SLC35F4: variants seen among roughly 807,000 people sequenced by gnomAD.
The protein encoded by SLC35F4 is solute carrier family 35 member F4.
SLC35F4 carries 24 observed loss-of-function variants against 44.2 expected under a neutral mutation model. The ratio of observed to expected loss-of-function variants is 0.54; its 90% CI spans 0.39 to 0.76. The LOEUF is 0.76. Among genes scored for constraint, SLC35F4 ranks in the 30% least tolerant of loss-of-function variants. The pLI is 0.00. For missense variants in SLC35F4, 562 were observed against 586.1 expected, an observed-to-expected ratio of 0.96 and a Z score of 0.42; for synonymous variants, 238 against 223.6, an observed-to-expected ratio of 1.06 and a Z score of -0.57.
intron 1 of SLC35F4, among the ~76,000 whole-genome samples, chr14:57,704,072 C>A (rs1594837236): frequency 6.6e-6 from 1 of 152,158 alleles, no homozygotes; most frequent in African/African-American, 2.4e-5. Context: ...TAGCAAAGAA[C>A]TATTTCTCTA....
upstream of SLC35F4, among the ~76,000 whole-genome samples, chr14:57,867,155 G>GAGA (rs1888189979): frequency 6.6e-6 from 1 of 151,624 alleles, no homozygotes; most frequent in Non-Finnish European, 1.5e-5. Flanking sequence ...AAAGCTTAGG[G>GAGA]AGAAGAAAAA....
intron 1 of SLC35F4, among the ~76,000 whole-genome samples, chr14:57,655,698 T>C (rs1294503566): frequency 6.6e-6 from 1 of 152,102 alleles, no homozygotes; most frequent in African/African-American, 2.4e-5. Context: ...GGCTCGCACC[T>C]CAGGCACCCA....
chr14:57,592,884 G>A (rs1467288322), intron 2 of SLC35F4, among the ~76,000 whole-genome samples: 1 of 152,030 alleles, frequency 6.6e-6, no homozygotes, highest in African/African-American at 2.4e-5. Context: ...TTTTGGTGGT[G>A]TATTTTGTTG....
chr14:57,919,474 T>C (rs1469546472), intron 1 of SLC35F4, among the ~76,000 whole-genome samples: 1 of 152,220 alleles, frequency 6.6e-6, no homozygotes. Flanking sequence ...ATCTACTCTT[T>C]GTTTTTCTGA....
intron 1 of SLC35F4, among the ~76,000 whole-genome samples, chr14:57,651,692 G>T (rs573971847): frequency 6.6e-6 from 1 of 152,262 alleles, no homozygotes; most frequent in East Asian, 1.9e-4. Flanking sequence ...CATGGCTGCG[G>T]CTTGGGAAAA....
At chr14:57,738,977 C>A (rs2076537887) in intron 1 of SLC35F4, among the ~76,000 whole-genome samples, 1 of 151,350 alleles carries the variant, frequency 6.6e-6, no homozygotes, top group Non-Finnish European at 1.5e-5. Context: ...CTTTCACTCT[C>A]TTTGCAACTT....
chr14:57,962,625 G>A (rs1043586712), intron 1 of SLC35F4, among the ~76,000 whole-genome samples: 2 of 152,182 alleles, frequency 1.3e-5, no homozygotes, highest in Admixed American at 6.5e-5. Context: ...GGGATGAAAG[G>A]TCCATTAAAT....
At chr14:57,770,366 A>T (rs1057197209) in intron 1 of SLC35F4, among the ~76,000 whole-genome samples, 4 of 152,186 alleles carry the variant, frequency 2.6e-5, no homozygotes, top group Admixed American at 6.5e-5. Flanking sequence ...GTTGTTTCGT[A>T]TGTATGTTGT....
intron 1 of SLC35F4, among the ~76,000 whole-genome samples, chr14:57,655,509 G>T (rs150796269): frequency 2.0e-5 from 3 of 152,278 alleles, no homozygotes; most frequent in Non-Finnish European, 4.4e-5. Context: ...ACACAGCAAT[G>T]AGGGGAGGAC....
chr14:57,567,441 T>G (rs185852608), intron 6 of SLC35F4, among the ~76,000 whole-genome samples: 1 of 152,312 alleles, frequency 6.6e-6, no homozygotes, highest in Admixed American at 6.5e-5. Context: ...CCAAAAAAAG[T>G]TCTAGAAGCA....
At chr14:57,599,499 A>G (rs2070686194) in intron 1 of SLC35F4, among the ~76,000 whole-genome samples, 1 of 152,156 alleles carries the variant, frequency 6.6e-6, no homozygotes, top group South Asian at 2.1e-4. Flanking sequence ...AGGTTTAACT[A>G]CAGCTCTTAC....
chr14:57,585,241 G>A (rs57139214), intron 3 of SLC35F4, among the ~76,000 whole-genome samples: 49,190 of 151,912 alleles, frequency 0.32, 8,051 homozygotes, highest in Middle Eastern at 0.37. Context: ...GCCAAAAACC[G>A]CATGATTATC....
intron 1 of SLC35F4, among the ~76,000 whole-genome samples, chr14:57,674,830 G>C (rs1372033598): frequency 6.6e-6 from 1 of 152,088 alleles, no homozygotes; most frequent in Admixed American, 6.6e-5. Context: ...AGAGGGCCAA[G>C]TGATACCTGC....
intron 1 of SLC35F4, among the ~76,000 whole-genome samples, chr14:57,782,855 A>G (rs923651818): frequency 6.6e-6 from 1 of 152,218 alleles, no homozygotes; most frequent in East Asian, 1.9e-4. Flanking sequence ...GCTCCCAAGA[A>G]GCAGAGAAAA....
chr14:57,658,136 T>C (rs1257639931), intron 1 of SLC35F4, among the ~76,000 whole-genome samples: 3 of 152,204 alleles, frequency 2.0e-5, no homozygotes, highest in Admixed American at 1.3e-4. Context: ...ATAGAGAGCA[T>C]AGTTATGATT....
intron 1 of SLC35F4, among the ~76,000 whole-genome samples, chr14:57,669,451 G>A (rs950966601): frequency 6.6e-6 from 1 of 152,104 alleles, no homozygotes; most frequent in South Asian, 2.1e-4. Flanking sequence ...CATTCAGCAT[G>A]ATATTGGCTG....
intron 1 of SLC35F4, among the ~76,000 whole-genome samples, chr14:57,890,028 C>A (rs1211797631): frequency 6.6e-6 from 1 of 152,214 alleles, no homozygotes; most frequent in African/African-American, 2.4e-5. Flanking sequence ...CCTCCTCTCA[C>A]TGTGGATGCG....
At position 57,589,388 on chromosome 14, in the gene SLC35F4, A is replaced by G. The variant is rs1213166370; in HGVS notation, c.415T>C (p.Ser139Pro). 6.2e-7 allele frequency: 1 copy of G among 1,613,980 alleles called. No homozygotes were observed. Among genetic ancestry groups the G allele is most frequent in the Non-Finnish European group, 8.5e-7 (1 of 1,179,898 alleles). ...TGTGTAGTTCCAACCCAAGATGATGATACTGACAAGATGATCAAGAGTCCC... is the reference window on the plus strand; with the variant it reads ...TGTGTAGTTCCAACCCAAGATGATGGTACTGACAAGATGATCAAGAGTCCC... Reference protein sequence around the residue: ...IWGLLIILSVSSSWVGTTQIV... With the variant: ...IWGLLIILSVPSSWVGTTQIV... The change falls in exon 3 of 8, where the codon TCA becomes CCA. Residue 139 changes from serine to proline, a missense_variant. Coordinates refer to ENST00000556826, the MANE Select transcript of SLC35F4 (RefSeq NM_001306087.2).
chr14:57,931,073 G>C (rs1234810702), intron 1 of SLC35F4, among the ~76,000 whole-genome samples: 1 of 152,058 alleles, frequency 6.6e-6, no homozygotes, highest in Non-Finnish European at 1.5e-5. Context: ...GAAATCAACT[G>C]TTTTCACCTC....
Sources: gnomAD v4.1 joint callset for allele counts (sites outside exome capture counted in the v4.1 genomes callset) on GRCh38, gnomAD v4.1.1 for gene constraint, MANE v1.5 for transcripts, NCBI Gene and HGNC (gene_info 2026-07-23, HGNC 2026-07-21) for gene names.